ZHX2: variants seen among roughly 807,000 people sequenced by gnomAD.
The protein encoded by ZHX2 is zinc fingers and homeoboxes protein 2.
In ZHX2, 6 loss-of-function variants were observed where a neutral mutation model predicts 21.9. The observed-to-expected ratio is 0.27, with a 90% CI of 0.15 to 0.54. The LOEUF is 0.54. Ranked by LOEUF, ZHX2 falls within the 20% of genes least tolerant of loss-of-function variation. The pLI, the probability that ZHX2 is intolerant of heterozygous loss-of-function variation, is 0.95. For missense variants in ZHX2, 908 were observed against 1,090.7 expected (o/e 0.83, Z 2.36); for synonymous variants, 434 against 437.1 (o/e 0.99, Z 0.09).
At chr8:122,860,664 G>A (rs1425570505) in intron 1 of ZHX2, among the ~76,000 whole-genome samples, 1 of 152,184 alleles carries the variant, frequency 6.6e-6, no homozygotes, top group African/African-American at 2.4e-5. Flanking sequence ...GTTTGAGGCA[G>A]CCGAGTTATG....
intron 2 of ZHX2, among the ~76,000 whole-genome samples, chr8:122,950,693 A>T (rs1813088239): frequency 6.6e-6 from 1 of 152,104 alleles, no homozygotes; most frequent in Admixed American, 6.5e-5. Context: ...TCATCACGTG[A>T]TGAAATAATG....
chr8:122,905,750 A>C (rs1820332295), intron 2 of ZHX2, among the ~76,000 whole-genome samples: 1 of 152,218 alleles, frequency 6.6e-6, no homozygotes, highest in South Asian at 2.1e-4. Flanking sequence ...AGAGAATACA[A>C]TATGTAGATG....
intron 1 of ZHX2, among the ~76,000 whole-genome samples, chr8:122,833,295 A>G (rs1463102601): frequency 6.6e-6 from 1 of 152,160 alleles, no homozygotes; most frequent in Non-Finnish European, 1.5e-5. Flanking sequence ...GCTTTTTAAC[A>G]GGTAGAATTG....
At chr8:122,836,068 G>A (rs1586309543) in intron 1 of ZHX2, among the ~76,000 whole-genome samples, 1 of 152,112 alleles carries the variant, frequency 6.6e-6, no homozygotes, top group Admixed American at 6.5e-5. Flanking sequence ...AGGAAGAGGA[G>A]AACATCCTGG....
At chr8:122,785,529 A>G (rs1368121692) in intron 1 of ZHX2, among the ~76,000 whole-genome samples, 1 of 152,220 alleles carries the variant, frequency 6.6e-6, no homozygotes, top group Non-Finnish European at 1.5e-5. Context: ...CTTCACTGCT[A>G]TATCTGGGAA....
intron 1 of ZHX2, among the ~76,000 whole-genome samples, chr8:122,804,378 G>A (rs1438485893): frequency 1.3e-5 from 2 of 152,138 alleles, no homozygotes; most frequent in African/African-American, 2.4e-5. Context: ...CAAAGTGCCC[G>A]GATTACAGAC....
intron 1 of ZHX2, among the ~76,000 whole-genome samples, chr8:122,791,082 G>T (rs1817509699): frequency 6.6e-6 from 1 of 152,216 alleles, no homozygotes; most frequent in African/African-American, 2.4e-5. Context: ...CAAAAGGGCT[G>T]TGGCCCCTCC....
At chr8:122,791,389 C>A (rs534400208) in intron 1 of ZHX2, among the ~76,000 whole-genome samples, 1 of 152,292 alleles carries the variant, frequency 6.6e-6, no homozygotes, top group South Asian at 2.1e-4. Context: ...GCCCAAGTAG[C>A]TGATTGGGAG....
intron 2 of ZHX2, among the ~76,000 whole-genome samples, chr8:122,894,076 A>G (rs1820040834): frequency 1.3e-5 from 2 of 152,216 alleles, no homozygotes; most frequent in African/African-American, 2.4e-5. Flanking sequence ...CTTTGGCTGT[A>G]ATCAGTGTAA....
intron 1 of ZHX2, among the ~76,000 whole-genome samples, chr8:122,831,931 G>A (rs767598139): frequency 2.0e-5 from 3 of 152,186 alleles, no homozygotes; most frequent in Non-Finnish European, 2.9e-5. Context: ...TGCCTAGCGG[G>A]AGGAGATTGG....
Position 122,973,680 on chromosome 8 carries a change from A to T in ZHX2, c.*443A>T, listed in dbSNP as rs1813787636. ...TCTTTTTTTTATTTTTGTTTTATTAATTTGGGGAAAGGGGTGTTAGCATTA... is the reference window on the plus strand; with the variant it reads ...TCTTTTTTTTATTTTTGTTTTATTATTTTGGGGAAAGGGGTGTTAGCATTA... On this transcript the variant is annotated 3_prime_UTR_variant, in exon 4 of 4. Coordinates refer to ENST00000314393, the MANE Select transcript of ZHX2 (RefSeq NM_014943.5). 1 of 151,764 alleles carries T rather than the reference A, an allele frequency of 6.6e-6. No homozygotes were observed. The highest frequency in any genetic ancestry group is 6.6e-5 in the Admixed American group (1 of 15,196). 9.4% of individuals were successfully genotyped at this position (151,764 alleles called of 1,614,324 possible).
At chr8:122,911,063 C>T (rs1485148193) in intron 2 of ZHX2, among the ~76,000 whole-genome samples, 1 of 152,202 alleles carries the variant, frequency 6.6e-6, no homozygotes, top group Non-Finnish European at 1.5e-5. Context: ...ATAGTGAAAG[C>T]AAGTATGACT....
chr8:122,787,403 A>G (rs1271892547), intron 1 of ZHX2, among the ~76,000 whole-genome samples: 1 of 152,202 alleles, frequency 6.6e-6, no homozygotes, highest in East Asian at 1.9e-4. Context: ...AGTGAATGAA[A>G]TTCTTGTGCT....
chr8:122,894,813 A>T (rs979421167), intron 2 of ZHX2, among the ~76,000 whole-genome samples: 5 of 152,146 alleles, frequency 3.3e-5, no homozygotes, highest in African/African-American at 1.2e-4. Flanking sequence ...TTTAAAAAAA[A>T]TCCATCTTAG....
At chr8:122,878,647 C>T (rs528285935) in intron 2 of ZHX2, among the ~76,000 whole-genome samples, 2 of 152,274 alleles carry the variant, frequency 1.3e-5, no homozygotes, top group South Asian at 4.2e-4. Context: ...AAGCAAGTGA[C>T]ATGGCTGAGA....
At position 122,784,359 on chromosome 8, in the gene ZHX2, C is replaced by T. The variant is rs568466911; in HGVS notation, c.-283+2413C>T. Among the ~76,000 whole-genome samples, 5 of 152,298 alleles carry T rather than the reference C, an allele frequency of 3.3e-5. No individual in the cohort carries two copies. In the East Asian group the frequency reaches 7.7e-4, roughly 23 times the overall value. The stretch of plus-strand genomic sequence containing the variant: ...TGAGCTAAGTACTACTATTATCCTC[C>T]GTTTATGGTTGAGGAAACAGAGGCT... On this transcript the variant is annotated intron_variant, in intron 1 of 3. Coordinates refer to ENST00000314393, the MANE Select transcript of ZHX2 (RefSeq NM_014943.5).
chr8:122,903,393 T>C (rs1820275510), intron 2 of ZHX2, among the ~76,000 whole-genome samples: 4 of 152,166 alleles, frequency 2.6e-5, no homozygotes, highest in African/African-American at 7.2e-5. Context: ...TTTAATGAGT[T>C]TAAAATAAAT....
At chr8:122,880,331 G>A (rs1819682784) in intron 2 of ZHX2, among the ~76,000 whole-genome samples, 1 of 152,022 alleles carries the variant, frequency 6.6e-6, no homozygotes, top group African/African-American at 2.4e-5. Context: ...GACTCCCAGA[G>A]GACCCACCAT....
At chr8:122,861,740 T>C (rs184742081) in intron 1 of ZHX2, among the ~76,000 whole-genome samples, 1 of 152,204 alleles carries the variant, frequency 6.6e-6, no homozygotes, top group Non-Finnish European at 1.5e-5. Flanking sequence ...AATTAACCTC[T>C]CTGTTTTCCC....
Sources: allele counts gnomAD v4.1 joint callset (sites outside exome capture counted in the v4.1 genomes callset), GRCh38; gene constraint gnomAD v4.1.1; transcripts MANE v1.5; gene names NCBI Gene and HGNC (gene_info 2026-07-23, HGNC 2026-07-21).